The following DMD variants were observed in gnomAD, a reference collection of about 807,000 sequenced individuals.
The protein encoded by DMD is dystrophin, also known as mutant dystrophin.
Under a neutral mutation model 330.1 loss-of-function variants are expected in DMD, and 63 were observed. The ratio of observed to expected loss-of-function variants is 0.19; its 90% CI spans 0.16 to 0.24. DMD has a LOEUF of 0.24. DMD is among the 10% of genes least tolerant of loss of function. The probability of loss-of-function intolerance (pLI) is 1.00; values close to 1 mark genes in which losing one functional copy is unlikely to be tolerated. For missense variants in DMD, 3,344 were observed against 2,684.1 expected, an observed-to-expected ratio of 1.25 and a Z score of -5.43; for synonymous variants, 1,223 against 959.8, an observed-to-expected ratio of 1.27 and a Z score of -5.07.
At chrX:31,659,186 T>C (rs1181190530) in intron 53 of DMD, among the ~76,000 whole-genome samples, 1 of 111,714 alleles carries the variant, frequency 9.0e-6, no homozygotes, top group African/African-American at 3.3e-5. Context: ...CTGGGGACCG[T>C]TATCTATTAG....
At chrX:32,959,411 A>G (rs1460948341) in intron 2 of DMD, among the ~76,000 whole-genome samples, 6 of 111,615 alleles carry the variant, frequency 5.4e-5, no homozygotes, top group African/African-American at 2.0e-4. Flanking sequence ...ACTGTGGGTT[A>G]TCAGATTCCA....
At chrX:32,074,865 GCAACAACAACAACGA>G (rs1313451585) in intron 44 of DMD, among the ~76,000 whole-genome samples, 29 of 103,940 alleles carry the variant, frequency 2.8e-4, no homozygotes, top group East Asian at 1.6e-3. Context: ...AGCAGCAGCA[GCAACAACAACAACGA>G]CAACAACAAC....
At chrX:32,349,910 T>C (rs1329455445) in intron 37 of DMD, among the ~76,000 whole-genome samples, 1 of 111,570 alleles carries the variant, frequency 9.0e-6, no homozygotes, top group African/African-American at 3.2e-5. Flanking sequence ...ATGTCTGTAT[T>C]ATTAGCAATT....
At chrX:32,755,097 A>C (rs2071334159) in intron 7 of DMD, 1 of 110,389 alleles carries the variant, frequency 9.1e-6, no homozygotes, top group South Asian at 3.8e-4. Context: ...GTCTTTCCCT[A>C]CTCATCACAT....
chrX:32,090,671 C>T lies in DMD; in HGVS notation c.6439-122157G>A, dbSNP rs1443725316. Reference sequence around the variant, plus strand: ...ACCATGAGATAAGTTTCTAAGTTACCCTCACACACTCAGGTATCCAGTTTC... The same window carrying T: ...ACCATGAGATAAGTTTCTAAGTTACTCTCACACACTCAGGTATCCAGTTTC... On this transcript the variant is annotated intron_variant, in intron 44 of 78. Transcript: ENST00000357033. Among the ~76,000 whole-genome samples the T allele has an allele frequency of 2.7e-5, 3 of 111,739 alleles. No homozygotes were observed. The East Asian group carries it at 8.5e-4, about 32-fold the overall frequency.
chrX:32,145,889 T>C (rs1337835306), intron 44 of DMD, among the ~76,000 whole-genome samples: 1 of 111,946 alleles, frequency 8.9e-6, no homozygotes, highest in Non-Finnish European at 1.9e-5. Context: ...AAACTATCGG[T>C]AGGATTATAG....
At chrX:32,545,900 T>G (rs228374) in intron 16 of DMD, among the ~76,000 whole-genome samples, 1 of 109,759 alleles carries the variant, frequency 9.1e-6, no homozygotes, top group Non-Finnish European at 1.9e-5. Context: ...ACATAAAGTA[T>G]GTATTAGTCC....
At chrX:31,910,105 G>A (rs1303405371) in intron 47 of DMD, among the ~76,000 whole-genome samples, 1 of 110,506 alleles carries the variant, frequency 9.0e-6, no homozygotes, top group Admixed American at 9.6e-5. Flanking sequence ...GGGTGCCAGG[G>A]GTGTCCTCTC....
chrX:31,240,636 T>G lies in DMD; in HGVS notation c.9287-17515A>C, dbSNP rs144235748. ...AAACTTAATGGGCTCTATTTATGTC[T>G]TTGCTGTAAAATAATAGTAATAATG... is the stretch of plus-strand genomic sequence containing the variant. On this transcript the variant is annotated intron_variant, in intron 63 of 78. Coordinates refer to ENST00000357033, the MANE Select transcript of DMD (RefSeq NM_004006.3). Among the ~76,000 whole-genome samples the G allele has an allele frequency of 1.7e-3, 194 of 111,876 alleles. 2 individuals are homozygous for G. Among genetic ancestry groups the G allele is most frequent in the East Asian group, 0.012 (44 of 3,587 alleles).
chrX:31,434,410 G>GCA (rs2064320942), intron 60 of DMD, among the ~76,000 whole-genome samples: 3 of 58,398 alleles, frequency 5.1e-5, no homozygotes, highest in Non-Finnish European at 8.6e-5. Context: ...CCTTACTGCA[G>GCA]CGCGCGCGCA....
intron 44 of DMD, among the ~76,000 whole-genome samples, chrX:32,019,039 G>A (rs1332797349): frequency 1.8e-5 from 2 of 110,342 alleles, no homozygotes; most frequent in Non-Finnish European, 1.9e-5. Flanking sequence ...CCTGATGTAG[G>A]TCAAATATAT....
intron 55 of DMD, among the ~76,000 whole-genome samples, chrX:31,617,468 A>C (rs2078264379): frequency 1.1e-5 from 1 of 91,257 alleles, no homozygotes; most frequent in Non-Finnish European, 2.1e-5. Flanking sequence ...CGGGAGGTGG[A>C]GGTTGCAGTG....
rs2081496155 is a variant in DMD, at chrX:31,667,487, A to G, written c.7873-9343T>C. ...TTGTCATATGGTAGCTTCATGTTTA[A>G]TATTTCCAGGAGACTGGGAAGGGTA... On this transcript the variant is annotated intron_variant, in intron 53 of 78. Transcript: ENST00000357033. Among the ~76,000 whole-genome samples the G allele has an allele frequency of 2.7e-5, 3 of 110,351 alleles. 1 individual carries two copies. In the Admixed American group the frequency reaches 2.9e-4, roughly 11 times the overall value.
At chrX:31,178,122 A>C in intron 70 of DMD, 152 bp from the exon 71 acceptor site, 4 of 1,122,705 alleles carry the variant, frequency 3.6e-6, no homozygotes, top group Non-Finnish European at 4.8e-6. Context: ...AATTAAAAGA[A>C]AAACACACAG....
intron 44 of DMD, among the ~76,000 whole-genome samples, chrX:32,162,307 G>T (rs1351730803): frequency 9.0e-6 from 1 of 111,121 alleles, no homozygotes; most frequent in Non-Finnish European, 1.9e-5. Flanking sequence ...AATATTTCTC[G>T]GGGTGAATCA....
intron 1 of DMD, among the ~76,000 whole-genome samples, chrX:33,115,556 G>C (rs1475721765): frequency 9.3e-6 from 1 of 107,567 alleles, no homozygotes; most frequent in Non-Finnish European, 1.9e-5. Context: ...CTGTGGCCCA[G>C]GCTGGAGCTC....
chrX:32,950,891 G>C (rs760833950), intron 2 of DMD, among the ~76,000 whole-genome samples: 2 of 111,214 alleles, frequency 1.8e-5, no homozygotes, highest in Non-Finnish European at 3.8e-5. Flanking sequence ...GCTAGGTCCC[G>C]GGAGTAAAAG....
chrX:32,727,279 C>G (rs915385249), intron 7 of DMD, among the ~76,000 whole-genome samples: 1 of 111,159 alleles, frequency 9.0e-6, no homozygotes, highest in Non-Finnish European at 1.9e-5. Flanking sequence ...TGTTCGCACA[C>G]ATTATCTCAT....
At chrX:31,434,543 A>C (rs1387061366) in intron 60 of DMD, among the ~76,000 whole-genome samples, 2 of 108,725 alleles carry the variant, frequency 1.8e-5, no homozygotes, top group Non-Finnish European at 3.8e-5. Flanking sequence ...TAATTATTTT[A>C]TGAGATTTAA....
Sources: gnomAD v4.1 joint callset for allele counts (sites outside exome capture counted in the v4.1 genomes callset) on GRCh38, gnomAD v4.1.1 for gene constraint, MANE v1.5 for transcripts, NCBI Gene and HGNC (gene_info 2026-07-23, HGNC 2026-07-21) for gene names.